SUPT3H: variants seen among roughly 807,000 people sequenced by gnomAD.
SUPT3H encodes transcription initiation protein SPT3 homolog.
A neutral mutation model predicts 44.3 loss-of-function variants in SUPT3H; 44 were observed. The ratio of observed to expected loss-of-function variants is 0.99; its 90% CI spans 0.78 to 1.28. The LOEUF is 1.28. Ranked by LOEUF, SUPT3H falls within the 50% of genes most tolerant of loss-of-function variation. SUPT3H has a pLI of 0.00. For missense variants in SUPT3H, 380 were observed against 387.1 expected (o/e 0.98, Z 0.15); for synonymous variants, 124 against 125.6 (o/e 0.99, Z 0.09).
At chr6:44,856,097 A>G (rs899512239) in intron 10 of SUPT3H, among the ~76,000 whole-genome samples, 1 of 152,220 alleles carries the variant, frequency 6.6e-6, no homozygotes, top group Non-Finnish European at 1.5e-5. Flanking sequence ...TCAAGAAGCC[A>G]AGATATTTCT....
intron 11 of SUPT3H, among the ~76,000 whole-genome samples, chr6:44,811,875 T>G (rs1369220145): frequency 6.6e-6 from 1 of 151,694 alleles, no homozygotes; most frequent in Admixed American, 6.6e-5. Flanking sequence ...TTTTTTTTTC[T>G]CTGATCCTCC....
intron 10 of SUPT3H, among the ~76,000 whole-genome samples, chr6:44,846,779 C>G (rs1416256592): frequency 6.6e-6 from 1 of 152,050 alleles, no homozygotes; most frequent in East Asian, 1.9e-4. Flanking sequence ...TTACAGGCAT[C>G]TGCCACCACA....
At chr6:44,940,435 T>C (rs1349761227) in intron 9 of SUPT3H, among the ~76,000 whole-genome samples, 1 of 152,100 alleles carries the variant, frequency 6.6e-6, no homozygotes, top group Admixed American at 6.5e-5. Flanking sequence ...TCTTAAGACT[T>C]GTTTAGTGGC....
intron 2 of SUPT3H, among the ~76,000 whole-genome samples, chr6:45,212,730 T>C (rs1427924559): frequency 2.6e-5 from 4 of 152,230 alleles, no homozygotes; most frequent in Non-Finnish European, 4.4e-5. Context: ...TATCGAATTC[T>C]ACATACAAAT....
At chr6:44,854,119 A>G (rs893575695) in intron 10 of SUPT3H, among the ~76,000 whole-genome samples, 1 of 152,184 alleles carries the variant, frequency 6.6e-6, no homozygotes, top group African/African-American at 2.4e-5. Context: ...CAGTCATTTA[A>G]ACAGATGAAA....
intron 1 of SUPT3H, among the ~76,000 whole-genome samples, chr6:45,371,682 T>C (rs772527482): frequency 2.6e-5 from 4 of 152,226 alleles, no homozygotes; most frequent in Non-Finnish European, 5.9e-5. Context: ...GGGACTTACA[T>C]GGTCATTAAG....
chr6:45,055,161 A>G (rs1262317615), intron 3 of SUPT3H, among the ~76,000 whole-genome samples: 1 of 152,128 alleles, frequency 6.6e-6, no homozygotes, highest in East Asian at 1.9e-4. Context: ...GGTGACAGAG[A>G]TTCTGAGAGT....
chr6:45,350,494 A>G (rs1246289314), intron 2 of SUPT3H, among the ~76,000 whole-genome samples: 4 of 152,202 alleles, frequency 2.6e-5, no homozygotes, highest in Non-Finnish European at 2.9e-5. Flanking sequence ...ATTGGTTTAC[A>G]TTTTGGCTCA....
intron 5 of SUPT3H, among the ~76,000 whole-genome samples, chr6:45,013,182 T>G (rs1783750632): frequency 6.6e-6 from 1 of 152,124 alleles, no homozygotes; most frequent in Non-Finnish European, 1.5e-5. Flanking sequence ...AGTTTTGCTC[T>G]GACTGCAGGA....
intron 6 of SUPT3H, among the ~76,000 whole-genome samples, chr6:45,001,988 T>C (rs1220033668): frequency 6.6e-6 from 1 of 152,084 alleles, no homozygotes; most frequent in African/African-American, 2.4e-5. Context: ...GTTATTTGGA[T>C]GAGTAGAATA....
chr6:45,282,148 C>G (rs925403750), intron 2 of SUPT3H, among the ~76,000 whole-genome samples: 2 of 152,108 alleles, frequency 1.3e-5, no homozygotes, highest in South Asian at 4.1e-4. Context: ...AAAAACAGAG[C>G]AGAAAAACTG....
chr6:45,061,282 T>A (rs12190261), intron 3 of SUPT3H, among the ~76,000 whole-genome samples: 54,878 of 152,020 alleles, frequency 0.36, 10,654 homozygotes, highest in Non-Finnish European at 0.43. Flanking sequence ...AGGAATAAGA[T>A]CATGTCCTTT....
Position 45,304,821 on chromosome 6 carries a change from G to T in SUPT3H, c.101+60380C>A, listed in dbSNP as rs1394076634. On this transcript the variant is annotated intron_variant, in intron 2 of 10. Coordinates refer to ENST00000371459, the MANE Select transcript of SUPT3H (RefSeq NM_003599.4). ...GCCATTATACCTAGATTCTTTTTAA[G>T]CACCAATGGCCATCATCAGTCAATA... Among the ~76,000 whole-genome samples the T allele has an allele frequency of 2.0e-5, 3 of 151,910 alleles. No individual in the cohort carries two copies. In the East Asian group the frequency reaches 5.8e-4, roughly 29 times the overall value.
intron 3 of SUPT3H, among the ~76,000 whole-genome samples, chr6:45,077,413 G>A (rs1191424079): frequency 6.6e-6 from 1 of 151,950 alleles, no homozygotes; most frequent in African/African-American, 2.4e-5. Context: ...GATCGCTTAA[G>A]TCCAGGAGTT....
intron 3 of SUPT3H, among the ~76,000 whole-genome samples, chr6:45,097,281 C>A (rs1797920415): frequency 6.6e-6 from 1 of 152,178 alleles, no homozygotes; most frequent in Non-Finnish European, 1.5e-5. Flanking sequence ...TTGAAAGCCA[C>A]TGCTTTAGTC....
intron 2 of SUPT3H, among the ~76,000 whole-genome samples, chr6:45,124,302 C>T (rs1802092330): frequency 6.6e-6 from 1 of 151,698 alleles, no homozygotes; most frequent in Non-Finnish European, 1.5e-5. Context: ...ATATGGAAAA[C>T]AAGCAATCAA....
chr6:44,957,026 A>C (rs773030847), intron 7 of SUPT3H, among the ~76,000 whole-genome samples: 2 of 152,192 alleles, frequency 1.3e-5, no homozygotes, highest in Non-Finnish European at 2.9e-5. Flanking sequence ...AAGCAGTCTA[A>C]TTTGATATAG....
At chr6:45,181,624 C>A (rs1272930070) in intron 2 of SUPT3H, among the ~76,000 whole-genome samples, 2 of 149,420 alleles carry the variant, frequency 1.3e-5, no homozygotes, top group African/African-American at 4.9e-5. Context: ...GGACAAAAAA[C>A]CAAACACCGC....
intron 2 of SUPT3H, among the ~76,000 whole-genome samples, chr6:45,260,855 A>G (rs1050084044): frequency 1.3e-5 from 2 of 152,096 alleles, no homozygotes; most frequent in Non-Finnish European, 2.9e-5. Context: ...AGCCTGAGCT[A>G]TATTAGAAGT....
Sources: gnomAD v4.1 joint callset for allele counts (sites outside exome capture counted in the v4.1 genomes callset) on GRCh38, gnomAD v4.1.1 for gene constraint, MANE v1.5 for transcripts, NCBI Gene and HGNC (gene_info 2026-07-23, HGNC 2026-07-21) for gene names.